The following IL27 variants were observed in gnomAD, a reference collection of about 807,000 sequenced individuals.
IL27 encodes interleukin-27 subunit alpha.
In IL27, 11 loss-of-function variants were observed where a neutral mutation model predicts 27.0. That is an observed-to-expected ratio of 0.41 (90% CI 0.26 to 0.67). IL27 has a LOEUF of 0.67. Ranked by LOEUF, IL27 falls within the 30% of genes least tolerant of loss-of-function variation. The probability of loss-of-function intolerance (pLI) is 0.34; values close to 1 mark genes in which losing one functional copy is unlikely to be tolerated. For synonymous variants in IL27, 134 were observed against 140.6 expected (o/e 0.95, Z 0.33); for missense variants, 299 against 310.4 (o/e 0.96, Z 0.28).
At position 28,499,924 on chromosome 16, in the gene IL27, TGAG is replaced by T; in HGVS notation, c.463-7_463-5del. ...GGTTGAATCCTGCAGCCAGCACCTG[TGAG>T]GAGAGGCCATGGGTCAGGGAGGGGC... On this transcript the variant is annotated splice_polypyrimidine_tract_variant and splice_region_variant and intron_variant, in intron 4 of 4. Transcript: ENST00000356897. 1 of 1,543,792 alleles carries T rather than the reference TGAG, an allele frequency of 6.5e-7. No homozygotes were observed. Among genetic ancestry groups the T allele is most frequent in the Non-Finnish European group, 8.8e-7 (1 of 1,142,098 alleles).
At chr16:28,502,256 G>T (rs1436168292) in intron 3 of IL27, 122 bp from the exon 4 acceptor site, 9 of 882,694 alleles carry the variant, frequency 1.0e-5, no homozygotes, top group South Asian at 1.7e-5. Flanking sequence ...CATCCCTGTA[G>T]CTCTTCCCCC....
At position 28,503,935 on chromosome 16, in the gene IL27, G is replaced by A; in HGVS notation, c.147C>T (p.Val49=). 10 of 1,614,204 alleles carry A rather than the reference G, an allele frequency of 6.2e-6. No homozygotes were observed. The highest frequency in any genetic ancestry group is 8.5e-6 in the Non-Finnish European group (10 of 1,180,024). The change falls in exon 2 of 5, where the codon GTC becomes GTT. Residue 49 remains valine, a synonymous_variant. Transcript: ENST00000356897. Reference sequence around the variant, plus strand: ...GCAGCTTCCTGGCGAGATGCAGGCTGACTGTGAACTCCCTCCGCAGCTCCT... The same window carrying A: ...GCAGCTTCCTGGCGAGATGCAGGCTAACTGTGAACTCCCTCCGCAGCTCCT... ...SLQELRREFT[V]SLHLARKLLS...
At position 28,506,805 on chromosome 16, in the gene IL27, G is replaced by A; in HGVS notation, c.7C>T (p.Gln3Ter). ...CGCCAGCCAAGGTCGCCTGCCGTCT[G>A]GCCCATGGCGGGGCCCAGCCTCTTT... The part of the protein sequence containing the change: MG[Q>*]TAGDLGWRLS... Residue 3 changes from glutamine to a stop codon, truncating the protein, a stop_gained, in exon 1 of 5, where the codon CAG becomes TAG. Coordinates refer to ENST00000356897, the MANE Select transcript of IL27 (RefSeq NM_145659.3). LOFTEE classifies it high-confidence loss of function. 2 of 1,612,088 alleles carry A rather than the reference G, an allele frequency of 1.2e-6. No homozygotes were observed. The highest frequency in any genetic ancestry group is 1.7e-6 in the Non-Finnish European group (2 of 1,179,118).
intron 3 of IL27, 74 bp from the exon 4 acceptor site, chr16:28,502,208 C>T (rs1222349678): frequency 7.1e-7 from 1 of 1,411,562 alleles, no homozygotes; most frequent in Non-Finnish European, 9.6e-7. Context: ...CCCTCCCTAT[C>T]CGGGTCTCCT....
rs770907557 is a variant in IL27, at chr16:28,501,972, C to T, written c.462+4G>A. The T allele has an allele frequency of 6.2e-7, 1 of 1,601,962 alleles. No homozygotes were observed. The highest frequency in any genetic ancestry group is 1.1e-5 in the South Asian group (1 of 90,876). On this transcript the variant is annotated splice_donor_region_variant and intron_variant, in intron 4 of 4. Transcript: ENST00000356897. ...TGGGGTGGTGGAGGGTGGCCGGGCT[C>T]TACCTGGAAGCGGAGGTGCCGCTGC...
chr16:28,499,600 C>G lies in IL27; in HGVS notation c.*51G>C, dbSNP rs1189272189. 55 of 1,471,732 alleles carry G rather than the reference C, an allele frequency of 3.7e-5. No homozygotes were observed. The highest frequency in any genetic ancestry group is 5.0e-5 in the Non-Finnish European group (54 of 1,075,530). 91.2% of individuals were successfully genotyped at this position (1,471,732 alleles called of 1,614,324 possible). ...CGAAGGCTGCCCTGATGCCAAGACTCCAGTCCTAAAGTTCTAAAGGGTGGG... is the reference window on the plus strand; with the variant it reads ...CGAAGGCTGCCCTGATGCCAAGACTGCAGTCCTAAAGTTCTAAAGGGTGGG... On this transcript the variant is annotated 3_prime_UTR_variant, in exon 5 of 5. Coordinates refer to ENST00000356897, the MANE Select transcript of IL27 (RefSeq NM_145659.3).
chr16:28,500,868 C>G (rs746949651), intron 4 of IL27, among the ~76,000 whole-genome samples: 3 of 152,052 alleles, frequency 2.0e-5, no homozygotes, highest in African/African-American at 4.8e-5. Flanking sequence ...ATTCTCACAA[C>G]GCACCCACAC....
chr16:28,501,321 C>G (rs2046427524), intron 4 of IL27, among the ~76,000 whole-genome samples: 1 of 151,764 alleles, frequency 6.6e-6, no homozygotes, highest in African/African-American at 2.4e-5. Context: ...CATTCACACA[C>G]CCACCCACAC....
intron 4 of IL27, among the ~76,000 whole-genome samples, chr16:28,500,942 G>C (rs1045602391): frequency 6.6e-6 from 1 of 152,246 alleles, no homozygotes; most frequent in African/African-American, 2.4e-5. Flanking sequence ...GCTCACGCCT[G>C]TAATCCCAGC....
At chr16:28,501,561 C>CCA (rs1555470801) in intron 4 of IL27, among the ~76,000 whole-genome samples, 13 of 105,912 alleles carry the variant, frequency 1.2e-4, no homozygotes, top group African/African-American at 3.7e-4. Context: ...TACAGCCCCC[C>CCA]CACACACACA....
intron 1 of IL27, among the ~76,000 whole-genome samples, chr16:28,504,264 G>A (rs2046449422): frequency 6.6e-6 from 1 of 152,170 alleles, no homozygotes; most frequent in Non-Finnish European, 1.5e-5. Flanking sequence ...GATCACCTGA[G>A]GCCAGGAGTT....
At chr16:28,500,375 A>G (rs2046423559) in intron 4 of IL27, among the ~76,000 whole-genome samples, 1 of 151,994 alleles carries the variant, frequency 6.6e-6, no homozygotes, top group South Asian at 2.1e-4. Context: ...CCCCAGTTCA[A>G]GCAATTCTCC....
chr16:28,505,852 C>T (rs759147831), intron 1 of IL27, among the ~76,000 whole-genome samples: 3 of 152,208 alleles, frequency 2.0e-5, no homozygotes, highest in Non-Finnish European at 4.4e-5. Context: ...CAATCTCTAA[C>T]CCCTGGGCTC....
chr16:28,499,505 G>A lies in IL27; in HGVS notation c.*146C>T. 1.7e-6 allele frequency: 1 copy of A among 605,234 alleles called. No individual in the cohort carries two copies. 37.5% of individuals were successfully genotyped at this position (605,234 alleles called of 1,614,324 possible). On this transcript the variant is annotated 3_prime_UTR_variant, in exon 5 of 5. Coordinates refer to ENST00000356897, the MANE Select transcript of IL27 (RefSeq NM_145659.3). The stretch of plus-strand genomic sequence containing the variant: ...TAAATAGCTGGCGAGGACCAGAGGG[G>A]CTTTCAGTTACTGGGTAGAGCCTGG...
chr16:28,500,290 C>G (rs1050508741), intron 4 of IL27, among the ~76,000 whole-genome samples: 1 of 152,002 alleles, frequency 6.6e-6, no homozygotes, highest in African/African-American at 2.4e-5. Context: ...CTCTCTCTCT[C>G]TTTCTTGGGA....
Position 28,499,653 on chromosome 16 carries a change from AGGGCTGG to A in IL27, c.723_729del (p.Gln242AspfsTer13). On this transcript the variant is annotated frameshift_variant, in exon 5 of 5. Coordinates refer to ENST00000356897, the MANE Select transcript of IL27 (RefSeq NM_145659.3). LOFTEE classifies it high-confidence loss of function. ...GCAGGGGGCTAAGAAGCCACCGATC[AGGGCTGG>A]GGGCTCAATGTTGGGAACCCCAAGG... 6.2e-7 allele frequency: 1 copy of A among 1,608,472 alleles called. No homozygotes were observed. The highest frequency in any genetic ancestry group is 1.1e-5 in the South Asian group (1 of 90,040).
At position 28,499,393 on chromosome 16, in the gene IL27, T is replaced by C. The variant is rs2046417508; in HGVS notation, c.*258A>G. ...AGAGTGCTTTATTGGGCACCCAGCA[T>C]GGGGGCTTGGCCCGAGGAGGACCAT... On this transcript the variant is annotated 3_prime_UTR_variant, in exon 5 of 5. Transcript: ENST00000356897. 6.6e-6 allele frequency: 3 copies of C among 456,288 alleles called. No homozygotes were observed. The highest frequency in any genetic ancestry group is 6.8e-5 in the Admixed American group (2 of 29,436). 28.3% of individuals were successfully genotyped at this position (456,288 alleles called of 1,614,324 possible).
At position 28,499,543 on chromosome 16, in the gene IL27, G is replaced by T. The variant is rs371954864; in HGVS notation, c.*108C>A. Reference sequence around the variant, plus strand: ...GGGTAGAGCCTGGGGCAGGGGGCTGGAAGAGCCCTCCCTTGTCCAAGGCTG... The same window carrying T: ...GGGTAGAGCCTGGGGCAGGGGGCTGTAAGAGCCCTCCCTTGTCCAAGGCTG... On this transcript the variant is annotated 3_prime_UTR_variant, in exon 5 of 5. Coordinates refer to ENST00000356897, the MANE Select transcript of IL27 (RefSeq NM_145659.3). 4 of 812,156 alleles carry T rather than the reference G, an allele frequency of 4.9e-6. No homozygotes were observed. The highest frequency in any genetic ancestry group is 7.9e-6 in the Non-Finnish European group (4 of 509,114). 50.3% of individuals were successfully genotyped at this position (812,156 alleles called of 1,614,324 possible). A position where few individuals can be genotyped will look rare whatever the true frequency, so the allele number is the denominator to read the frequency against.
chr16:28,506,104 C>T (rs1034159126), intron 1 of IL27, among the ~76,000 whole-genome samples: 19 of 152,094 alleles, frequency 1.2e-4, no homozygotes, highest in African/African-American at 4.3e-4. Context: ...CAAGCCCAAC[C>T]GTAAGTGAGC....
Sources: gnomAD v4.1 joint callset for allele counts (sites outside exome capture counted in the v4.1 genomes callset) on GRCh38, gnomAD v4.1.1 for gene constraint, MANE v1.5 for transcripts, NCBI Gene and HGNC (gene_info 2026-07-23, HGNC 2026-07-21) for gene names.